ADAM12: variants seen among roughly 807,000 people sequenced by gnomAD.
ADAM12 encodes disintegrin and metalloproteinase domain-containing protein 12.
A neutral mutation model predicts 106.4 loss-of-function variants in ADAM12; 70 were observed. That is an observed-to-expected ratio of 0.66 (90% CI 0.54 to 0.80). ADAM12 has a LOEUF of 0.80. Ranked by LOEUF, ADAM12 falls within the 30% of genes least tolerant of loss-of-function variation. The pLI is 0.00. For synonymous variants in ADAM12, 420 were observed against 433.5 expected (o/e 0.97, Z 0.39); for missense variants, 1,010 against 1,171.9 (o/e 0.86, Z 2.02).
intron 2 of ADAM12, among the ~76,000 whole-genome samples, chr10:126,309,584 G>C (rs1960992466): frequency 6.6e-6 from 1 of 152,140 alleles, no homozygotes; most frequent in South Asian, 2.1e-4. Flanking sequence ...ATGATGCACT[G>C]GGTCCAGAAA....
intron 11 of ADAM12, among the ~76,000 whole-genome samples, chr10:126,079,433 C>A (rs536933812): frequency 4.1e-4 from 63 of 152,286 alleles, no homozygotes; most frequent in South Asian, 1.7e-3. Context: ...CACCATGTGG[C>A]CTTTTGTGTT....
At chr10:126,277,060 T>A (rs1176577019) in intron 3 of ADAM12, among the ~76,000 whole-genome samples, 1 of 152,160 alleles carries the variant, frequency 6.6e-6, no homozygotes, top group Admixed American at 6.5e-5. Context: ...TAAAATTGCA[T>A]ACAGACTGTG....
chr10:126,042,181 G>A (rs1019725240), intron 18 of ADAM12: 1 of 1,613,694 alleles, frequency 6.2e-7, no homozygotes, highest in African/African-American at 1.3e-5. Context: ...CGATCCCACG[G>A]GCTCCTGGCC....
chr10:126,107,775 C>A (rs1053995724), intron 8 of ADAM12, among the ~76,000 whole-genome samples: 12 of 152,194 alleles, frequency 7.9e-5, no homozygotes, highest in African/African-American at 2.9e-4. Flanking sequence ...CCCCGCCCTG[C>A]CCCTTGAGGG....
At chr10:126,263,140 C>T (rs188635029) in intron 3 of ADAM12, among the ~76,000 whole-genome samples, 3 of 152,324 alleles carry the variant, frequency 2.0e-5, no homozygotes, top group Non-Finnish European at 2.9e-5. Context: ...TTGAATGCCA[C>T]ATGCCCTGCA....
chr10:126,024,168 AAC>A (rs1332143028), intron 21 of ADAM12, among the ~76,000 whole-genome samples: 1 of 152,220 alleles, frequency 6.6e-6, no homozygotes, highest in Non-Finnish European at 1.5e-5. Context: ...TAAAGTTTAA[AAC>A]ACGAAACACT....
At chr10:126,047,488 C>T (rs1222386433) in intron 16 of ADAM12, among the ~76,000 whole-genome samples, 3 of 152,092 alleles carry the variant, frequency 2.0e-5, no homozygotes, top group Non-Finnish European at 2.9e-5. Flanking sequence ...GTTCTGAGAT[C>T]AAAGCACATT....
At chr10:126,069,744 T>C (rs1361264404) in intron 12 of ADAM12, among the ~76,000 whole-genome samples, 1 of 151,906 alleles carries the variant, frequency 6.6e-6, no homozygotes, top group African/African-American at 2.4e-5. Context: ...GTGGTTACAA[T>C]AGTGGGGTGA....
At chr10:126,062,655 G>T (rs1370695170) in intron 14 of ADAM12, among the ~76,000 whole-genome samples, 1 of 152,186 alleles carries the variant, frequency 6.6e-6, no homozygotes, top group Non-Finnish European at 1.5e-5. Context: ...AATGGGGGTG[G>T]CTCAGACAGC....
intron 18 of ADAM12, chr10:126,042,271 C>G (rs368115508): frequency 1.7e-5 from 28 of 1,608,522 alleles, no homozygotes; most frequent in Non-Finnish European, 2.2e-5. Context: ...TAGACTTGCC[C>G]CTGAATTGCC....
chr10:126,088,938 G>T (rs889944447), intron 11 of ADAM12, among the ~76,000 whole-genome samples: 1 of 150,636 alleles, frequency 6.6e-6, no homozygotes, highest in Non-Finnish European at 1.5e-5. Flanking sequence ...ATTGCAGAAG[G>T]TCTGACCTCA....
At chr10:126,173,691 C>A (rs1413263214) in intron 3 of ADAM12, among the ~76,000 whole-genome samples, 1 of 151,976 alleles carries the variant, frequency 6.6e-6, no homozygotes, top group Non-Finnish European at 1.5e-5. Flanking sequence ...TGTGAAAAAT[C>A]ACAATGCTAA....
chr10:126,041,050 C>G (rs767332456), intron 18 of ADAM12, among the ~76,000 whole-genome samples: 1 of 152,168 alleles, frequency 6.6e-6, no homozygotes, highest in Non-Finnish European at 1.5e-5. Flanking sequence ...TCGCCCCCTT[C>G]AGACCTCAAC....
chr10:126,152,883 C>G (rs991439324), intron 4 of ADAM12, among the ~76,000 whole-genome samples: 2 of 152,148 alleles, frequency 1.3e-5, no homozygotes, highest in African/African-American at 4.8e-5. Context: ...GTCTATTATT[C>G]TCCAGTACAA....
chr10:126,150,503 A>G (rs1381919464), intron 4 of ADAM12, among the ~76,000 whole-genome samples: 2 of 152,134 alleles, frequency 1.3e-5, no homozygotes, highest in Non-Finnish European at 2.9e-5. Flanking sequence ...TAATGGTACC[A>G]CTGAGAAACA....
intron 4 of ADAM12, among the ~76,000 whole-genome samples, chr10:126,142,594 G>A (rs893748640): frequency 5.9e-5 from 9 of 152,222 alleles, no homozygotes; most frequent in Non-Finnish European, 1.2e-4. Context: ...ATGTCACAGT[G>A]CTGCAGAGAT....
chr10:126,060,861 C>T (rs1008593898), intron 14 of ADAM12, among the ~76,000 whole-genome samples: 5 of 152,170 alleles, frequency 3.3e-5, no homozygotes, highest in African/African-American at 7.2e-5. Flanking sequence ...GCTCTTGAGT[C>T]AGCATCTTAC....
At chr10:126,050,411 A>G (rs1239105958) in intron 14 of ADAM12, among the ~76,000 whole-genome samples, 2 of 152,248 alleles carry the variant, frequency 1.3e-5, no homozygotes, top group Non-Finnish European at 2.9e-5. Flanking sequence ...AATCCTGGAC[A>G]TAGTGATGTC....
intron 1 of ADAM12, among the ~76,000 whole-genome samples, chr10:126,380,543 G>A (rs1856453652): frequency 1.3e-5 from 2 of 152,316 alleles, no homozygotes; most frequent in South Asian, 2.1e-4. Context: ...CAGCAGAATT[G>A]CAGGAGATAG....
Sources: allele counts gnomAD v4.1 joint callset (sites outside exome capture counted in the v4.1 genomes callset), GRCh38; gene constraint gnomAD v4.1.1; transcripts MANE v1.5; gene names NCBI Gene and HGNC (gene_info 2026-07-23, HGNC 2026-07-21).